The following CSMD1 variants were observed in gnomAD, a reference collection of about 807,000 sequenced individuals.
The protein encoded by CSMD1 is CUB and Sushi multiple domains 1, also known as CUB and sushi domain-containing protein 1.
Under a neutral mutation model 417.5 loss-of-function variants are expected in CSMD1, and 213 were observed. The observed-to-expected ratio is 0.51, with a 90% CI of 0.46 to 0.57. The LOEUF is 0.57. Ranked by LOEUF, CSMD1 falls within the 20% of genes least tolerant of loss-of-function variation. The probability of loss-of-function intolerance (pLI) is 0.00; values close to 1 mark genes in which losing one functional copy is unlikely to be tolerated. For missense variants in CSMD1, 6,923 were observed against 4,529.7 expected (o/e 1.53, Z -15.17); for synonymous variants, 2,862 against 1,736.8 (o/e 1.65, Z -16.11).
chr8:3,481,902 T>G (rs945159909), intron 11 of CSMD1, among the ~76,000 whole-genome samples: 2 of 152,190 alleles, frequency 1.3e-5, no homozygotes, highest in Non-Finnish European at 2.9e-5. Flanking sequence ...AGAGTACAAA[T>G]TTCTGCTGTT....
intron 26 of CSMD1, among the ~76,000 whole-genome samples, chr8:3,237,091 G>T (rs772547000): frequency 1.3e-5 from 2 of 151,982 alleles, no homozygotes; most frequent in Admixed American, 1.3e-4. Context: ...GATTGACAAC[G>T]TGCGGCTACT....
At chr8:3,061,128 A>G (rs1173201009) in intron 49 of CSMD1, among the ~76,000 whole-genome samples, 1 of 152,160 alleles carries the variant, frequency 6.6e-6, no homozygotes, top group Admixed American at 6.5e-5. Context: ...TGAGTTTGGT[A>G]TTTGTCTGTT....
rs147099023 is a variant in CSMD1, at chr8:4,787,957, T to C, written c.86-150399A>G. 3.3e-3 allele frequency: 5,299 copies of C among 1,595,590 alleles called. 133 individuals are homozygous for C. The African/African-American group carries it at 0.061, about 18-fold the overall frequency. On this transcript the variant is annotated intron_variant, in intron 1 of 69. Coordinates refer to ENST00000635120, the MANE Select transcript of CSMD1 (RefSeq NM_033225.6). ...GTAATTGACAATGATTCCTGGAGAC[T>C]CTGGCCATCAGGAGATCGAAGCCAA...
chr8:3,174,665 AC>A (rs1039634436), intron 37 of CSMD1, among the ~76,000 whole-genome samples: 1 of 152,230 alleles, frequency 6.6e-6, no homozygotes, highest in Non-Finnish European at 1.5e-5. Flanking sequence ...GTAAGTAAAT[AC>A]CATTTCCTTT....
chr8:4,211,534 C>T (rs1200146008), intron 3 of CSMD1, among the ~76,000 whole-genome samples: 1 of 152,166 alleles, frequency 6.6e-6, no homozygotes, highest in Non-Finnish European at 1.5e-5. Context: ...CTTTTGTATA[C>T]TTTTGAGCAT....
intron 54 of CSMD1, among the ~76,000 whole-genome samples, chr8:2,985,088 G>T (rs1805765889): frequency 6.6e-6 from 1 of 152,126 alleles, no homozygotes; most frequent in Admixed American, 6.5e-5. Context: ...TGGCCTCAAA[G>T]CGACTCAAAA....
chr8:4,046,955 T>C (rs901220215), intron 3 of CSMD1, among the ~76,000 whole-genome samples: 1 of 152,168 alleles, frequency 6.6e-6, no homozygotes, highest in African/African-American at 2.4e-5. Context: ...ACTCCACCTT[T>C]GTCTCAGATC....
intron 3 of CSMD1, among the ~76,000 whole-genome samples, chr8:4,176,507 C>T (rs920873861): frequency 6.6e-6 from 1 of 152,080 alleles, no homozygotes; most frequent in Non-Finnish European, 1.5e-5. Flanking sequence ...TGGTTCTATA[C>T]CTTCACTGTG....
At chr8:4,149,538 C>A (rs1037206633) in intron 3 of CSMD1, among the ~76,000 whole-genome samples, 1 of 152,114 alleles carries the variant, frequency 6.6e-6, no homozygotes, top group Non-Finnish European at 1.5e-5. Flanking sequence ...TCAATACTAA[C>A]CAAAAATATT....
intron 3 of CSMD1, among the ~76,000 whole-genome samples, chr8:4,131,280 G>A (rs375139433): frequency 1.3e-5 from 2 of 151,310 alleles, no homozygotes; most frequent in South Asian, 4.2e-4. Context: ...AGGAACTGAA[G>A]AGGCTGAATC....
At chr8:3,394,092 G>C (rs961656272) in intron 17 of CSMD1, among the ~76,000 whole-genome samples, 1 of 138,556 alleles carries the variant, frequency 7.2e-6, no homozygotes, top group Admixed American at 7.4e-5. Context: ...TTTACTCTCT[G>C]AGGGGTACTC....
intron 25 of CSMD1, among the ~76,000 whole-genome samples, chr8:3,286,635 G>T (rs545999103): frequency 4.0e-5 from 6 of 150,944 alleles, no homozygotes; most frequent in African/African-American, 1.5e-4. Flanking sequence ...CTTTTGAGAA[G>T]TGTCTGTTCA....
At chr8:4,237,002 C>A (rs907957239) in intron 3 of CSMD1, among the ~76,000 whole-genome samples, 1 of 152,340 alleles carries the variant, frequency 6.6e-6, no homozygotes, top group African/African-American at 2.4e-5. Context: ...CACACAAGAT[C>A]TTAAATCGCG....
intron 3 of CSMD1, among the ~76,000 whole-genome samples, chr8:4,227,488 C>G (rs1016542628): frequency 6.6e-6 from 1 of 152,086 alleles, no homozygotes; most frequent in African/African-American, 2.4e-5. Flanking sequence ...GTCCTGTGCC[C>G]TTGAGGCTGG....
intron 7 of CSMD1, among the ~76,000 whole-genome samples, chr8:3,644,986 A>G (rs988248335): frequency 6.6e-6 from 1 of 151,504 alleles, no homozygotes; most frequent in Non-Finnish European, 1.5e-5. Flanking sequence ...AAAAAAAAAA[A>G]AAAAAGTCAA....
intron 6 of CSMD1, among the ~76,000 whole-genome samples, chr8:3,752,820 C>A (rs560072235): frequency 5.1e-4 from 78 of 152,164 alleles, no homozygotes; most frequent in African/African-American, 9.9e-4. Context: ...GTGTACTTCT[C>A]AGCACCCTCT....
intron 1 of CSMD1, among the ~76,000 whole-genome samples, chr8:4,802,752 T>C (rs557751767): frequency 6.6e-5 from 10 of 152,314 alleles, no homozygotes; most frequent in Non-Finnish European, 1.2e-4. Flanking sequence ...TCAACAATCA[T>C]TTATTGTTAT....
At chr8:4,919,073 T>C (rs960688919) in intron 1 of CSMD1, among the ~76,000 whole-genome samples, 1 of 152,228 alleles carries the variant, frequency 6.6e-6, no homozygotes, top group African/African-American at 2.4e-5. Context: ...AGGTAGTAGT[T>C]TGTTAAACAG....
At chr8:4,349,698 C>G (rs768777593) in intron 3 of CSMD1, among the ~76,000 whole-genome samples, 3 of 152,054 alleles carry the variant, frequency 2.0e-5, no homozygotes, top group African/African-American at 2.4e-5. Flanking sequence ...TCTATCATAC[C>G]TATAAATACA....
Sources: gnomAD v4.1 joint callset for allele counts (sites outside exome capture counted in the v4.1 genomes callset) on GRCh38, gnomAD v4.1.1 for gene constraint, MANE v1.5 for transcripts, NCBI Gene and HGNC (gene_info 2026-07-23, HGNC 2026-07-21) for gene names.